CCBE1: variants seen among roughly 807,000 people sequenced by gnomAD.
The protein encoded by CCBE1 is collagen and calcium-binding EGF domain-containing protein 1.
A neutral mutation model predicts 50.0 loss-of-function variants in CCBE1; 37 were observed. The ratio of observed to expected loss-of-function variants is 0.74; its 90% CI spans 0.57 to 0.97. The LOEUF (loss-of-function observed/expected upper bound fraction) is 0.97, where lower values mean the gene tolerates loss of function less well. Ranked by LOEUF, CCBE1 falls within the 50% of genes least tolerant of loss-of-function variation. CCBE1 has a pLI of 0.00. For missense variants in CCBE1, 538 were observed against 523.8 expected, an observed-to-expected ratio of 1.03 and a Z score of -0.26; for synonymous variants, 234 against 203.7, an observed-to-expected ratio of 1.15 and a Z score of -1.27.
intron 2 of CCBE1, 91 bp downstream of exon 2, chr18:59,696,538 A>G: frequency 2.5e-6 from 4 of 1,595,422 alleles, no homozygotes; most frequent in Non-Finnish European, 3.4e-6. Context: ...TCCGGTCCCA[A>G]GCGCGTCTCC....
At chr18:59,688,978 G>C (rs1021454489) in intron 2 of CCBE1, among the ~76,000 whole-genome samples, 1 of 152,206 alleles carries the variant, frequency 6.6e-6, no homozygotes, top group African/African-American at 2.4e-5. Context: ...CAGGAGTCAA[G>C]TTTTCTTTTG....
At chr18:59,610,396 T>C (rs1284959592) in intron 2 of CCBE1, among the ~76,000 whole-genome samples, 2 of 152,016 alleles carry the variant, frequency 1.3e-5, no homozygotes, top group African/African-American at 2.4e-5. Context: ...CTAGGCTCTA[T>C]GGCCCCTTAC....
intron 2 of CCBE1, among the ~76,000 whole-genome samples, chr18:59,615,605 T>C (rs1354676267): frequency 2.6e-5 from 4 of 152,210 alleles, no homozygotes; most frequent in African/African-American, 7.2e-5. Context: ...TTCTCCTAAA[T>C]TGGTTTTGAG....
chr18:59,619,024 A>T (rs2053676177), intron 2 of CCBE1, among the ~76,000 whole-genome samples: 1 of 152,174 alleles, frequency 6.6e-6, no homozygotes, highest in Non-Finnish European at 1.5e-5. Flanking sequence ...AGCAGTTAGA[A>T]ATTAACTTTT....
chr18:59,572,989 A>C (rs1164326794), intron 2 of CCBE1, among the ~76,000 whole-genome samples: 1 of 151,976 alleles, frequency 6.6e-6, no homozygotes, highest in African/African-American at 2.4e-5. Context: ...ACTGCCTTTA[A>C]TACTGTGCAT....
intron 3 of CCBE1, among the ~76,000 whole-genome samples, chr18:59,477,534 G>GTC (rs1018632498): frequency 3.7e-4 from 36 of 97,082 alleles, no homozygotes; most frequent in Middle Eastern, 4.7e-3. Flanking sequence ...TTATTTCCAT[G>GTC]TCTCTGTGTG....
intron 2 of CCBE1, among the ~76,000 whole-genome samples, chr18:59,567,713 A>C (rs2052850792): frequency 6.6e-6 from 1 of 152,120 alleles, no homozygotes; most frequent in South Asian, 2.1e-4. Flanking sequence ...AAATTGTCTG[A>C]AACTCTATTC....
chr18:59,647,816 G>A (rs564127421), intron 2 of CCBE1, among the ~76,000 whole-genome samples: 40 of 152,266 alleles, frequency 2.6e-4, no homozygotes, highest in South Asian at 1.7e-3. Flanking sequence ...AGTACACAAA[G>A]CTTTCAACTT....
At chr18:59,536,729 T>C (rs2851869) in intron 2 of CCBE1, among the ~76,000 whole-genome samples, 107,273 of 151,952 alleles carry the variant, frequency 0.71, 38,159 homozygotes, top group African/African-American at 0.79. Context: ...ATGGCTGACA[T>C]CTGTAATCTC....
chr18:59,570,306 A>C (rs936672959), intron 2 of CCBE1, among the ~76,000 whole-genome samples: 3 of 152,112 alleles, frequency 2.0e-5, no homozygotes, highest in Non-Finnish European at 4.4e-5. Flanking sequence ...ACATGAACCC[A>C]CACAAAAGAG....
At chr18:59,488,695 G>C (rs193009567) in intron 2 of CCBE1, among the ~76,000 whole-genome samples, 114 of 152,250 alleles carry the variant, frequency 7.5e-4, no homozygotes, top group Non-Finnish European at 8.2e-4. Flanking sequence ...TTAGATAACT[G>C]ACATTAAGTT....
intron 2 of CCBE1, among the ~76,000 whole-genome samples, chr18:59,599,030 G>A (rs1276490146): frequency 6.6e-6 from 1 of 152,148 alleles, no homozygotes. Flanking sequence ...ACTTCTAGGT[G>A]GACACTTTAC....
At chr18:59,461,729 C>CTTTT (rs36013463) in intron 5 of CCBE1, among the ~76,000 whole-genome samples, 2,090 of 109,256 alleles carry the variant, frequency 0.019, 100 homozygotes, top group African/African-American at 0.057. Context: ...CAGGTGTAAT[C>CTTTT]TTTTTTTTTT....
Position 59,697,364 on chromosome 18 carries a change from C to G in CCBE1, c.-22G>C. The G allele has an allele frequency of 6.5e-7, 1 of 1,543,184 alleles. No individual in the cohort carries two copies. ...CCATCAGGGAAGCTCCCGGCTTCTT[C>G]CCAGCGCCGAGCTCCGTCCGGACCA... On this transcript the variant is annotated 5_prime_UTR_variant, in exon 1 of 11. Coordinates refer to ENST00000439986, the MANE Select transcript of CCBE1 (RefSeq NM_133459.4).
chr18:59,620,733 T>C (rs1311545201), intron 2 of CCBE1, among the ~76,000 whole-genome samples: 1 of 152,152 alleles, frequency 6.6e-6, no homozygotes, highest in African/African-American at 2.4e-5. Flanking sequence ...ATATAAGACA[T>C]CCCTTTGCTC....
intron 2 of CCBE1, among the ~76,000 whole-genome samples, chr18:59,492,164 A>G (rs905771899): frequency 7.4e-5 from 11 of 148,448 alleles, no homozygotes; most frequent in East Asian, 4.4e-4. Flanking sequence ...AAAAAAAAAA[A>G]AAAAGAAAAG....
intron 2 of CCBE1, among the ~76,000 whole-genome samples, chr18:59,649,055 C>T (rs146927336): frequency 9.0e-4 from 137 of 152,308 alleles, no homozygotes; most frequent in African/African-American, 3.1e-3. Flanking sequence ...GAGGAGAGGA[C>T]GATTCAGTGG....
At chr18:59,510,110 C>T (rs893763770) in intron 2 of CCBE1, among the ~76,000 whole-genome samples, 3 of 152,174 alleles carry the variant, frequency 2.0e-5, no homozygotes, top group Admixed American at 6.5e-5. Flanking sequence ...AGGCCAGCTG[C>T]AAAGAGGAGG....
chr18:59,681,731 T>C (rs977057525), intron 2 of CCBE1, among the ~76,000 whole-genome samples: 6 of 152,208 alleles, frequency 3.9e-5, no homozygotes, highest in Admixed American at 1.3e-4. Flanking sequence ...ACTTTTTCCT[T>C]TTTAATAATT....
Sources: gnomAD v4.1 joint callset for allele counts (sites outside exome capture counted in the v4.1 genomes callset) on GRCh38, gnomAD v4.1.1 for gene constraint, MANE v1.5 for transcripts, NCBI Gene and HGNC (gene_info 2026-07-23, HGNC 2026-07-21) for gene names.